TECRL: variants seen among roughly 807,000 people sequenced by gnomAD.
TECRL encodes the protein trans-2,3-enoyl-CoA reductase-like.
TECRL carries 63 observed loss-of-function variants against 52.8 expected under a neutral mutation model. The observed-to-expected ratio is 1.19, with a 90% CI of 0.97 to 1.47. The LOEUF (loss-of-function observed/expected upper bound fraction) is 1.47, where lower values mean the gene tolerates loss of function less well. TECRL is among the 40% of genes most tolerant of loss of function. TECRL has a pLI of 0.00. For missense variants in TECRL, 482 were observed against 429.6 expected (o/e 1.12, Z -1.08); for synonymous variants, 164 against 141.9 (o/e 1.16, Z -1.10).
intron 4 of TECRL, 114 bp from the exon 5 acceptor site, chr4:64,314,877 T>C: frequency 1.4e-6 from 1 of 731,328 alleles, no homozygotes; most frequent in East Asian, 2.7e-5. Flanking sequence ...AGATTTTTTG[T>C]AACTAGATTA....
chr4:64,370,455 C>T (rs1348369146), intron 2 of TECRL, among the ~76,000 whole-genome samples: 1 of 151,656 alleles, frequency 6.6e-6, no homozygotes, highest in Non-Finnish European at 1.5e-5. Flanking sequence ...GAAGGAAAAG[C>T]AATAACAAAA....
intron 6 of TECRL, among the ~76,000 whole-genome samples, chr4:64,305,788 A>T (rs776247407): frequency 1.3e-5 from 2 of 152,018 alleles, no homozygotes; most frequent in Non-Finnish European, 2.9e-5. Context: ...CAGATGCAAC[A>T]CCCCCAGGGG....
At chr4:64,334,470 T>C (rs1038409991) in intron 2 of TECRL, among the ~76,000 whole-genome samples, 45 of 152,292 alleles carry the variant, frequency 3.0e-4, no homozygotes, top group African/African-American at 9.9e-4. Context: ...ATAGTGTTTA[T>C]CTATCTGAAA....
chr4:64,379,954 T>C (rs1722666998), intron 1 of TECRL, among the ~76,000 whole-genome samples: 1 of 152,104 alleles, frequency 6.6e-6, no homozygotes. Context: ...AATTCTATTT[T>C]TGTTTTCTGA....
At chr4:64,379,396 T>C (rs938818731) in intron 1 of TECRL, among the ~76,000 whole-genome samples, 4 of 152,136 alleles carry the variant, frequency 2.6e-5, no homozygotes, top group Non-Finnish European at 5.9e-5. Context: ...ATGTGCTATA[T>C]TGATATGTAC....
chr4:64,314,888 A>C (rs565602777), intron 4 of TECRL, 125 bp from the exon 5 acceptor site: 1 of 685,998 alleles, frequency 1.5e-6, no homozygotes, highest in African/African-American at 1.8e-5. Context: ...AACTAGATTA[A>C]GTGATATTGC....
At chr4:64,345,116 A>C (rs1196635846) in intron 2 of TECRL, among the ~76,000 whole-genome samples, 1 of 152,190 alleles carries the variant, frequency 6.6e-6, no homozygotes, top group East Asian at 1.9e-4. Flanking sequence ...GTGGGACTGT[A>C]AACTAGTTCA....
In TECRL at chr4:64,316,731, G is replaced by GAATT. The variant is rs199947102; in HGVS notation, c.436-1972_436-1969dup. Among the ~76,000 whole-genome samples the GAATT allele has an allele frequency of 8.9e-3, 1,350 of 152,068 alleles. 18 individuals are homozygous for GAATT. The highest frequency in any genetic ancestry group is 0.031 in the African/African-American group (1,284 of 41,482). On this transcript the variant is annotated intron_variant, in intron 4 of 11. Transcript: ENST00000381210. ...AGACTAGAAACTCCCCTATAATACA[G>GAATT]AATTATACTGAAGACTATATTCTAA... is the stretch of plus-strand genomic sequence containing the variant.
At chr4:64,361,629 A>T (rs10446789) in intron 2 of TECRL, among the ~76,000 whole-genome samples, 136,704 of 152,092 alleles carry the variant, frequency 0.9, 62,095 homozygotes, top group East Asian at 1. Context: ...GAAAGCAACC[A>T]GAAAGAAAAC....
At chr4:64,401,760 G>A (rs535297553) in intron 1 of TECRL, among the ~76,000 whole-genome samples, 6 of 152,208 alleles carry the variant, frequency 3.9e-5, no homozygotes, top group South Asian at 2.1e-4. Flanking sequence ...GCTAGTTTCC[G>A]TAGACAGAAA....
chr4:64,295,459 G>C (rs1402015881), intron 8 of TECRL, among the ~76,000 whole-genome samples: 1 of 151,204 alleles, frequency 6.6e-6, no homozygotes, highest in Non-Finnish European at 1.5e-5. Flanking sequence ...TACTATGATG[G>C]TCCATTTCAT....
chr4:64,356,837 A>G (rs1256530235), intron 2 of TECRL, among the ~76,000 whole-genome samples: 1 of 152,104 alleles, frequency 6.6e-6, no homozygotes, highest in Non-Finnish European at 1.5e-5. Flanking sequence ...GATGAGAATT[A>G]CCCACAGGTG....
At chr4:64,401,980 TA>T (rs1724387870) in intron 1 of TECRL, among the ~76,000 whole-genome samples, 1 of 152,160 alleles carries the variant, frequency 6.6e-6, no homozygotes, top group East Asian at 1.9e-4. Flanking sequence ...AAACACAATT[TA>T]TTCACTTTTC....
At chr4:64,303,560 T>C (rs1000703572) in intron 7 of TECRL, among the ~76,000 whole-genome samples, 5 of 151,804 alleles carry the variant, frequency 3.3e-5, no homozygotes, top group African/African-American at 1.2e-4. Flanking sequence ...TTGGAAAATC[T>C]GCCTACATTT....
At chr4:64,290,400 A>G (rs1370883271) in intron 8 of TECRL, among the ~76,000 whole-genome samples, 1 of 152,100 alleles carries the variant, frequency 6.6e-6, no homozygotes, top group Non-Finnish European at 1.5e-5. Context: ...TGAGGGTAAG[A>G]CCTTTCCTTT....
In TECRL at chr4:64,322,851, A is replaced by G. The variant is rs879772636; in HGVS notation, c.332-59T>C. ...ATACAATTTCTTAGCATAACGATAA[A>G]GAATTTCTTAGTGTAAAATCAGTAA... is the stretch of plus-strand genomic sequence containing the variant. On this transcript the variant is annotated intron_variant, in intron 3 of 11. Coordinates refer to ENST00000381210, the MANE Select transcript of TECRL (RefSeq NM_001010874.5). 2.1e-5 allele frequency: 26 copies of G among 1,234,088 alleles called. No homozygotes were observed. In the Admixed American group the frequency reaches 4.4e-4, roughly 21 times the overall value. 76.4% of individuals were successfully genotyped at this position (1,234,088 alleles called of 1,614,324 possible). A position where few individuals can be genotyped will look rare whatever the true frequency, so the allele number is the denominator to read the frequency against.
Position 64,357,749 on chromosome 4 carries a change from A to G in TECRL, c.286+17423T>C, listed in dbSNP as rs1720873000. 5.3e-5 allele frequency among the ~76,000 whole-genome samples: 8 copies of G among 151,682 alleles called. No homozygotes were observed. The South Asian group carries it at 1.7e-3, about 32-fold the overall frequency. On this transcript the variant is annotated intron_variant, in intron 2 of 11. Transcript: ENST00000381210. ...TTTAAAAATTAGATGAAAAATAATT[A>G]TTTCTAAATAAGCCATACAAAACCC...
chr4:64,310,253 G>A (rs556728639), intron 5 of TECRL, among the ~76,000 whole-genome samples: 8 of 152,212 alleles, frequency 5.3e-5, no homozygotes, highest in South Asian at 2.1e-4. Context: ...TGTTCATATC[G>A]AAATACTTCG....
At chr4:64,391,990 T>G (rs2109749189) in intron 1 of TECRL, among the ~76,000 whole-genome samples, 1 of 152,002 alleles carries the variant, frequency 6.6e-6, no homozygotes, top group Non-Finnish European at 1.5e-5. Flanking sequence ...TAGGTTGTGT[T>G]GCAAAACCCA....
Sources: gnomAD v4.1 joint callset for allele counts (sites outside exome capture counted in the v4.1 genomes callset) on GRCh38, gnomAD v4.1.1 for gene constraint, MANE v1.5 for transcripts, NCBI Gene and HGNC (gene_info 2026-07-23, HGNC 2026-07-21) for gene names.